The following CAND1 variants were observed in gnomAD, a reference collection of about 807,000 sequenced individuals.
CAND1 encodes the protein cullin associated and neddylation dissociated 1, also known as cullin-associated NEDD8-dissociated protein 1.
A neutral mutation model predicts 108.5 loss-of-function variants in CAND1; 7 were observed. That is an observed-to-expected ratio of 0.06 (90% CI 0.04 to 0.12). The LOEUF is 0.12. CAND1 is among the 10% of genes least tolerant of loss of function. The probability of loss-of-function intolerance (pLI) is 1.00; values close to 1 mark genes in which losing one functional copy is unlikely to be tolerated. For synonymous variants in CAND1, 534 were observed against 512.0 expected (o/e 1.04, Z -0.58); for missense variants, 941 against 1,448.7 (o/e 0.65, Z 5.69).
chr12:67,304,671 T>G lies in CAND1; in HGVS notation c.1360T>G (p.Cys454Gly), dbSNP rs1171067849. 3.1e-6 allele frequency: 5 copies of G among 1,613,836 alleles called. No individual in the cohort carries two copies. The highest frequency in any genetic ancestry group is 4.2e-6 in the Non-Finnish European group (5 of 1,179,954). The change falls in exon 9 of 15, where the codon TGT becomes GGT. Residue 454 changes from cysteine (C) to glycine (G), a missense_variant. Around this residue, in one of 9 missense-constraint regions of CAND1, gnomAD observed 697 missense variants for 942.0 expected, o/e 0.74. Coordinates refer to ENST00000545606, the MANE Select transcript of CAND1 (RefSeq NM_018448.5). The part of the protein sequence containing the change: ...KEKSVKTRQC[C>G]FNMLTELVNV... ...AAAAAGTGTGAAGACCCGACAGTGT[T>G]GTTTTAACATGTTAACTGAGCTGGT... is the stretch of plus-strand genomic sequence containing the variant.
At chr12:67,300,696 TAA>T (rs1326661384) in intron 7 of CAND1, among the ~76,000 whole-genome samples, 2 of 152,188 alleles carry the variant, frequency 1.3e-5, no homozygotes, top group African/African-American at 4.8e-5. Context: ...TATTAGAATA[TAA>T]GTTTCATGAA....
intron 1 of CAND1, among the ~76,000 whole-genome samples, chr12:67,280,915 A>G (rs2044613714): frequency 6.6e-6 from 1 of 151,974 alleles, no homozygotes; most frequent in African/African-American, 2.4e-5. Context: ...GGGAAGAGCT[A>G]CTTTTTAGAA....
At position 67,269,575 on chromosome 12, in the gene CAND1, A is replaced by G. The variant is rs1592597798; in HGVS notation, c.-143A>G. ...GGGCAGCCCGTCGAGGCGCCTCCCT[A>G]GTCAGCGTCGGCGTCGCGCTGCGAC... On this transcript the variant is annotated 5_prime_UTR_variant, in exon 1 of 15. Coordinates refer to ENST00000545606, the MANE Select transcript of CAND1 (RefSeq NM_018448.5). 1.5e-6 allele frequency: 1 copy of G among 651,508 alleles called. No individual in the cohort carries two copies. The highest frequency in any genetic ancestry group is 2.6e-6 in the Non-Finnish European group (1 of 387,710). The allele number at this position is 651,508 out of a possible 1,614,324, so 40.4% of individuals were successfully genotyped here. A position where few individuals can be genotyped will look rare whatever the true frequency, so the allele number is the denominator to read the frequency against.
chr12:67,273,432 A>G (rs917684926), intron 1 of CAND1, among the ~76,000 whole-genome samples: 2 of 151,974 alleles, frequency 1.3e-5, no homozygotes, highest in African/African-American at 4.8e-5. Context: ...TCCATTTGTG[A>G]ATATTAATAT....
chr12:67,301,438 C>T (rs2044823788), intron 7 of CAND1, among the ~76,000 whole-genome samples: 1 of 152,128 alleles, frequency 6.6e-6, no homozygotes, highest in East Asian at 1.9e-4. Context: ...TAATTTTAGA[C>T]TATCATGATA....
chr12:67,283,379 T>G (rs1267117775), intron 2 of CAND1, among the ~76,000 whole-genome samples: 1 of 151,868 alleles, frequency 6.6e-6, no homozygotes. Context: ...AGGTCAGGAG[T>G]TGGAGACCAG....
chr12:67,274,363 T>G (rs138262663), intron 1 of CAND1, among the ~76,000 whole-genome samples: 1 of 152,310 alleles, frequency 6.6e-6, no homozygotes, highest in East Asian at 1.9e-4. Context: ...ATGGAGAGAT[T>G]TGAGCCAGGT....
chr12:67,304,838 ATATATGTG>A, intron 9 of CAND1, 92 bp downstream of exon 9: 2 of 1,444,094 alleles, frequency 1.4e-6, no homozygotes, highest in Non-Finnish European at 1.9e-6. Context: ...TTTTAAAGGA[ATATATGTG>A]ACAACTTAAT....
intron 3 of CAND1, 87 bp from the exon 4 acceptor site, chr12:67,294,946 T>G: frequency 7.3e-7 from 1 of 1,378,538 alleles, no homozygotes; most frequent in Non-Finnish European, 9.9e-7. Context: ...AAGTGTGGAG[T>G]TGTTAAATAT....
rs2045008585 is a variant in CAND1 at position 67,316,485 on chromosome 12, T to TG, written c.*3656dup. On this transcript the variant is annotated 3_prime_UTR_variant, in exon 15 of 15. Transcript: ENST00000545606. Reference sequence around the variant, plus strand: ...TTTCAGGCAAGATCTTTCAGCAACATGTTTTTGCTCTTTGTAACTTAGAAA... The same window carrying TG: ...TTTCAGGCAAGATCTTTCAGCAACATGGTTTTTGCTCTTTGTAACTTAGAAA... The TG allele has an allele frequency of 6.6e-6, 1 of 152,252 alleles. No individual in the cohort carries two copies. The highest frequency in any genetic ancestry group is 2.4e-5 in the African/African-American group (1 of 41,468). The allele number at this position is 152,252 out of a possible 1,614,324, so 9.4% of individuals were successfully genotyped here.
rs2045035001 is a variant in CAND1, at chr12:67,319,005, C to T, written c.*6175C>T. Reference sequence around the variant, plus strand: ...TAAAACAGATCGCTGGGCCCTACACCCAGAGGCTGTGGTTCAGTAGGCTGT... The same window carrying T: ...TAAAACAGATCGCTGGGCCCTACACTCAGAGGCTGTGGTTCAGTAGGCTGT... On this transcript the variant is annotated 3_prime_UTR_variant, in exon 15 of 15. Transcript: ENST00000545606. The T allele has an allele frequency of 6.6e-6, 1 of 152,188 alleles. No individual in the cohort carries two copies. The highest frequency in any genetic ancestry group is 1.5e-5 in the Non-Finnish European group (1 of 68,032). The allele number at this position is 152,188 out of a possible 1,614,324, so 9.4% of individuals were successfully genotyped here. A position where few individuals can be genotyped will look rare whatever the true frequency, so the allele number is the denominator to read the frequency against.
chr12:67,298,914 G>T (rs566777202), intron 6 of CAND1, 36 bp from the exon 7 acceptor site: 1 of 1,272,658 alleles, frequency 7.9e-7, no homozygotes, highest in East Asian at 2.4e-5. Context: ...GGAGTAAAAT[G>T]CAGCTCTTCA....
At chr12:67,274,809 A>G (rs1187579838) in intron 1 of CAND1, among the ~76,000 whole-genome samples, 1 of 152,208 alleles carries the variant, frequency 6.6e-6, no homozygotes, top group African/African-American at 2.4e-5. Flanking sequence ...GAAACTGTTT[A>G]AAATGCTTGT....
chr12:67,311,722 G>C lies in CAND1; in HGVS notation c.3390G>C (p.Leu1130=). 1 of 1,610,578 alleles carries C rather than the reference G, an allele frequency of 6.2e-7. No homozygotes were observed. Among genetic ancestry groups the C allele is most frequent in the East Asian group, 2.2e-5 (1 of 44,796 alleles). The change falls in exon 14 of 15, where the codon CTG becomes CTC. Residue 1130 remains leucine (L), a synonymous_variant. Transcript: ENST00000545606. ...KMLTFLMLVR[L]STLCPSAVLQ... ...TGACATTTTTAATGTTGGTGAGACT[G>C]TCTACCCTTTGTCCAAGTGCAGTAC...
At chr12:67,288,380 C>T (rs1035453245) in intron 2 of CAND1, among the ~76,000 whole-genome samples, 14 of 151,936 alleles carry the variant, frequency 9.2e-5, no homozygotes, top group South Asian at 2.1e-4. Flanking sequence ...CACCCACCTC[C>T]GCCTCCCCAA....
At chr12:67,311,661 A>C in intron 13 of CAND1, 32 bp from the exon 14 acceptor site, 1 of 1,340,310 alleles carries the variant, frequency 7.5e-7, no homozygotes, top group East Asian at 2.3e-5. Flanking sequence ...AATGATGTCA[A>C]ATCTAAATTC....
intron 1 of CAND1, chr12:67,270,624 C>T (rs2044511893): frequency 1.3e-5 from 2 of 152,078 alleles, no homozygotes; most frequent in Admixed American, 6.5e-5. Flanking sequence ...GAGATCGGTA[C>T]TGTTGGTTCC....
intron 2 of CAND1, among the ~76,000 whole-genome samples, chr12:67,291,981 C>T (rs2136004576): frequency 6.6e-6 from 1 of 152,316 alleles, no homozygotes; most frequent in East Asian, 1.9e-4. Context: ...TCTTGTGCAG[C>T]TTCCCAAGTA....
intron 2 of CAND1, among the ~76,000 whole-genome samples, chr12:67,291,056 C>T (rs980199606): frequency 1.3e-5 from 2 of 152,146 alleles, no homozygotes; most frequent in African/African-American, 2.4e-5. Context: ...TCCATGAAAT[C>T]GGTCCCTGCT....
Sources: gnomAD v4.1 joint callset for allele counts (sites outside exome capture counted in the v4.1 genomes callset) on GRCh38, gnomAD v4.1.1 for gene constraint, gnomAD v4.1.1 regional missense constraint, MANE v1.5 for transcripts, NCBI Gene and HGNC (gene_info 2026-07-23, HGNC 2026-07-21) for gene names.